The following FOXN3 variants were observed in gnomAD, a reference collection of about 807,000 sequenced individuals.
The protein encoded by FOXN3 is forkhead box protein N3.
A neutral mutation model predicts 38.4 loss-of-function variants in FOXN3; 7 were observed. The observed-to-expected ratio is 0.18, with a 90% confidence interval of 0.10 to 0.34. The LOEUF is 0.34. Among genes scored for constraint, FOXN3 ranks in the 10% least tolerant of loss-of-function variants. The pLI, the probability that FOXN3 is intolerant of heterozygous loss-of-function variation, is 1.00. For synonymous variants in FOXN3, 230 were observed against 242.2 expected, an observed-to-expected ratio of 0.95 and a Z score of 0.47; for missense variants, 456 against 613.4, an observed-to-expected ratio of 0.74 and a Z score of 2.71.
intron 1 of FOXN3, among the ~76,000 whole-genome samples, chr14:89,507,130 A>AG (rs1893957757): frequency 6.6e-6 from 1 of 151,548 alleles, no homozygotes; most frequent in Non-Finnish European, 1.5e-5. Context: ...AATAAAAAAA[A>AG]AAAGAAAAAA....
chr14:89,423,933 A>G (rs890738007), intron 1 of FOXN3, among the ~76,000 whole-genome samples: 2 of 152,212 alleles, frequency 1.3e-5, no homozygotes, highest in Admixed American at 1.3e-4. Context: ...GACTACTGGG[A>G]AGAGGCAATA....
intron 5 of FOXN3, among the ~76,000 whole-genome samples, chr14:89,178,190 A>T (rs1423362044): frequency 1.0e-3 from 149 of 146,178 alleles, no homozygotes; most frequent in African/African-American, 3.4e-3. Context: ...TTTTTTTTTT[A>T]AATAGAGATA....
At chr14:89,417,797 G>A (rs190812905), upstream of FOXN3, 703 of 453,836 alleles carry the variant, frequency 1.5e-3, no homozygotes, top group Admixed American at 2.4e-3. Context: ...TGTCCCGGAG[G>A]TAAGCACCGC....
upstream of FOXN3, among the ~76,000 whole-genome samples, chr14:89,421,762 C>G (rs1253191825): frequency 2.0e-5 from 3 of 152,132 alleles, no homozygotes; most frequent in Non-Finnish European, 4.4e-5. Context: ...CTGCCAACCT[C>G]AGGTGATCTG....
At position 89,607,983 on chromosome 14, in the gene FOXN3, A is replaced by ATT. The variant is rs200924391; in HGVS notation, c.-15+11043_-15+11044dup. Among the ~76,000 whole-genome samples the ATT allele has an allele frequency of 1.1e-3, 160 of 140,792 alleles. 1 individual carries two copies. The highest frequency in any genetic ancestry group is 1.9e-3 in the East Asian group (9 of 4,662). The allele number at this position is 140,792 out of a possible 152,430, so 92.4% of individuals were successfully genotyped here. On this transcript the variant is annotated intron_variant, in intron 1 of 6. Coordinates refer to the FOXN3 transcript ENST00000345097. ...AGGCATGCGCCACAACACCCAGCTA[A>ATT]TTTTTTTTTTTTTGAGACAGAGTCT...
intron 3 of FOXN3, among the ~76,000 whole-genome samples, chr14:89,296,667 G>A (rs547256519): frequency 2.0e-5 from 3 of 152,262 alleles, no homozygotes; most frequent in East Asian, 1.9e-4. Flanking sequence ...ACCGAGTCTC[G>A]CTCTGTCGTC....
chr14:89,508,329 G>A (rs1057353594), intron 1 of FOXN3, among the ~76,000 whole-genome samples: 2 of 152,150 alleles, frequency 1.3e-5, no homozygotes, highest in African/African-American at 4.8e-5. Flanking sequence ...AGGCAGCACC[G>A]TTCCCTGTCA....
At chr14:89,338,680 G>C (rs1888532716) in intron 3 of FOXN3, among the ~76,000 whole-genome samples, 1 of 152,130 alleles carries the variant, frequency 6.6e-6, no homozygotes, top group Admixed American at 6.5e-5. Context: ...TGTAATCCCA[G>C]CTACTCGGAG....
intron 2 of FOXN3, among the ~76,000 whole-genome samples, chr14:89,387,605 CTT>C (rs752471255): frequency 1.2e-4 from 18 of 152,168 alleles, no homozygotes; most frequent in Non-Finnish European, 2.4e-4. Context: ...AGATGACAGA[CTT>C]TATTATAAAG....
At position 89,424,540 on chromosome 14, in the gene FOXN3, G is replaced by A. The variant is rs890630580; in HGVS notation, c.-14-12050C>T. ...TCAAACTTTCTCTACAAACTCTTAC[G>A]CAGGTTCCAAGATTCAAGAGTTCAA... On this transcript the variant is annotated intron_variant, in intron 1 of 6. Transcript: ENST00000345097. Among the ~76,000 whole-genome samples, 6 of 152,016 alleles carry A rather than the reference G, an allele frequency of 3.9e-5. No homozygotes were observed. The South Asian group carries it at 8.3e-4, about 21-fold the overall frequency.
At chr14:89,333,990 A>ATATATATC (rs1888352707) in intron 3 of FOXN3, among the ~76,000 whole-genome samples, 2 of 90,774 alleles carry the variant, frequency 2.2e-5, no homozygotes, top group African/African-American at 1.1e-4. Flanking sequence ...ATATATATAT[A>ATATATATC]TATATATATA....
chr14:89,414,334 T>A (rs145175349), intron 1 of FOXN3, among the ~76,000 whole-genome samples: 1 of 151,560 alleles, frequency 6.6e-6, no homozygotes, highest in Admixed American at 6.6e-5. Context: ...GGCAAAGACA[T>A]GACCCTTCTA....
chr14:89,584,463 A>G (rs1450136700), intron 1 of FOXN3, among the ~76,000 whole-genome samples: 1 of 152,220 alleles, frequency 6.6e-6, no homozygotes. Flanking sequence ...CACAAAACGT[A>G]CAATGACTGT....
At chr14:89,217,518 G>C (rs555442903) in intron 4 of FOXN3, among the ~76,000 whole-genome samples, 51 of 152,238 alleles carry the variant, frequency 3.4e-4, no homozygotes, top group African/African-American at 1.2e-3. Context: ...CAGAGTCCTG[G>C]AGCCAAACAC....
At position 89,416,987 on chromosome 14, in the gene FOXN3, G is replaced by A. The variant is rs896024725; in HGVS notation, c.-131C>T. On this transcript the variant is annotated 5_prime_UTR_variant, in exon 1 of 6. Coordinates refer to ENST00000557258, the MANE Select transcript of FOXN3 (RefSeq NM_005197.4). ...GTGGCCCCGCTAAGGACGCGCGGGCGCGGCGCGGCGAGCCCGGGGCGGCGG... is the reference window on the plus strand; with the variant it reads ...GTGGCCCCGCTAAGGACGCGCGGGCACGGCGCGGCGAGCCCGGGGCGGCGG... 6.8e-6 allele frequency: 1 copy of A among 146,718 alleles called. No homozygotes were observed. The highest frequency in any genetic ancestry group is 2.5e-5 in the African/African-American group (1 of 40,784). 9.1% of individuals were successfully genotyped at this position (146,718 alleles called of 1,614,324 possible).
At chr14:89,588,184 T>C (rs1895882796) in intron 1 of FOXN3, among the ~76,000 whole-genome samples, 1 of 152,130 alleles carries the variant, frequency 6.6e-6, no homozygotes, top group Non-Finnish European at 1.5e-5. Flanking sequence ...TTGCTCCTGC[T>C]CAGGCCATGT....
chr14:89,594,283 C>T (rs535396550), intron 1 of FOXN3, among the ~76,000 whole-genome samples: 4 of 152,314 alleles, frequency 2.6e-5, no homozygotes, highest in African/African-American at 9.6e-5. Context: ...TTAGGTAATG[C>T]TGATTAGTTT....
rs186731781 is a variant in FOXN3, at chr14:89,429,472, G to A, written c.-14-16982C>T. ...ACAAAGGGAATCATACCCAGGAGTT[G>A]CTGGAAAAAGCTCATTTCATCCACC... On this transcript the variant is annotated intron_variant, in intron 1 of 6. Coordinates refer to the FOXN3 transcript ENST00000345097. 2.0e-3 allele frequency among the ~76,000 whole-genome samples: 310 copies of A among 152,032 alleles called. 1 individual carries two copies. The highest frequency in any genetic ancestry group is 7.1e-3 in the African/African-American group (293 of 41,472).
intron 3 of FOXN3, among the ~76,000 whole-genome samples, chr14:89,335,008 G>GC (rs1001687540): frequency 1.3e-5 from 2 of 151,442 alleles, no homozygotes; most frequent in Non-Finnish European, 2.9e-5. Context: ...CCCATGATCT[G>GC]CCCGCCTCAG....
Sources: gnomAD v4.1 joint callset for allele counts (sites outside exome capture counted in the v4.1 genomes callset) on GRCh38, gnomAD v4.1.1 for gene constraint, MANE v1.5 for transcripts, NCBI Gene and HGNC (gene_info 2026-07-23, HGNC 2026-07-21) for gene names.